The following LINGO2 variants were observed in gnomAD, a reference collection of about 807,000 sequenced individuals.
LINGO2 encodes the protein leucine-rich repeat and immunoglobulin-like domain-containing nogo receptor-interacting protein 2.
Under a neutral mutation model 30.6 loss-of-function variants are expected in LINGO2, and 14 were observed. The observed-to-expected ratio is 0.46, with a 90% CI of 0.30 to 0.72. LINGO2 has a LOEUF of 0.72. Among genes scored for constraint, LINGO2 ranks in the 30% least tolerant of loss-of-function variants. LINGO2 has a pLI of 0.07. For synonymous variants in LINGO2, 317 were observed against 288.5 expected (o/e 1.10, Z -1.00); for missense variants, 729 against 751.7 (o/e 0.97, Z 0.35).
the LINGO2 span, among the ~76,000 whole-genome samples, chr9:28,990,368 G>A: frequency 6.6e-6 from 1 of 152,186 alleles, no homozygotes; most frequent in Admixed American, 6.5e-5. Context: ...GAACTGGGTG[G>A]AGCCCACCAC....
At chr9:28,048,911 C>A (rs888502558) in intron 4 of LINGO2, among the ~76,000 whole-genome samples, 7 of 150,388 alleles carry the variant, frequency 4.7e-5, no homozygotes, top group African/African-American at 1.7e-4. Context: ...GCACATAGAA[C>A]AAATTCTATC....
chr9:28,823,934 G>T, the LINGO2 span, among the ~76,000 whole-genome samples: 1 of 151,954 alleles, frequency 6.6e-6, no homozygotes, highest in Non-Finnish European at 1.5e-5. Context: ...ATTAAACTAA[G>T]AAATTAAAAC....
At chr9:27,987,665 AG>A (rs2118989363) in intron 5 of LINGO2, among the ~76,000 whole-genome samples, 1 of 152,050 alleles carries the variant, frequency 6.6e-6, no homozygotes, top group Non-Finnish European at 1.5e-5. Context: ...TTGTCTATGT[AG>A]GTAACTCCTT....
the LINGO2 span, among the ~76,000 whole-genome samples, chr9:29,004,455 G>A: frequency 6.6e-6 from 1 of 151,814 alleles, no homozygotes; most frequent in Admixed American, 6.6e-5. Flanking sequence ...CAAGTGAAAG[G>A]AAGTACATTT....
intron 4 of LINGO2, among the ~76,000 whole-genome samples, chr9:28,026,138 A>T (rs758499438): frequency 6.6e-6 from 1 of 152,226 alleles, no homozygotes; most frequent in Non-Finnish European, 1.5e-5. Context: ...TTCATCCTAA[A>T]TAATACTTCT....
At chr9:28,308,844 C>A (rs1016415489) in intron 3 of LINGO2, among the ~76,000 whole-genome samples, 28 of 152,178 alleles carry the variant, frequency 1.8e-4, no homozygotes, top group Non-Finnish European at 3.5e-4. Context: ...CTCACCATCA[C>A]TGGCCATCAG....
chr9:28,080,700 G>C (rs193193603), intron 4 of LINGO2: 1 of 152,158 alleles, frequency 6.6e-6, no homozygotes, highest in Non-Finnish European at 1.5e-5. Flanking sequence ...CACCCTTAAA[G>C]CCTGGAACAG....
chr9:28,250,608 C>T (rs1030101544), intron 4 of LINGO2, among the ~76,000 whole-genome samples: 4 of 152,130 alleles, frequency 2.6e-5, no homozygotes, highest in Admixed American at 6.6e-5. Flanking sequence ...TCCCCATCCC[C>T]GCTCATGATG....
At chr9:28,508,206 T>C (rs1234488343) in intron 1 of LINGO2, among the ~76,000 whole-genome samples, 2 of 152,072 alleles carry the variant, frequency 1.3e-5, no homozygotes, top group African/African-American at 2.4e-5. Context: ...CTTTGTACAT[T>C]TGTTAAAATT....
chr9:29,090,444 CCT>C, the LINGO2 span, among the ~76,000 whole-genome samples: 1 of 151,944 alleles, frequency 6.6e-6, no homozygotes, highest in Admixed American at 6.6e-5. Flanking sequence ...CATGTCTGTC[CCT>C]GTCATCTCTC....
At chr9:28,169,331 T>TA (rs1237322557) in intron 4 of LINGO2, among the ~76,000 whole-genome samples, 1 of 152,104 alleles carries the variant, frequency 6.6e-6, no homozygotes, top group Non-Finnish European at 1.5e-5. Flanking sequence ...GGAAAGTAGG[T>TA]AAAAAAATTT....
At chr9:28,664,996 CATATATATATATAT>C (rs10527878) in intron 1 of LINGO2, among the ~76,000 whole-genome samples, 3,012 of 96,266 alleles carry the variant, frequency 0.031, 93 homozygotes, top group African/African-American at 0.048. Flanking sequence ...TATGTGTTTA[CATATATATATATAT>C]ATATATATAT....
At chr9:28,471,253 A>G (rs7852959) in intron 2 of LINGO2, among the ~76,000 whole-genome samples, 138,361 of 152,212 alleles carry the variant, frequency 0.91, 63,122 homozygotes, top group East Asian at 1. Flanking sequence ...CCAAGTGCAT[A>G]CTAGCAGTTT....
the LINGO2 span, among the ~76,000 whole-genome samples, chr9:29,056,857 C>T: frequency 6.6e-6 from 1 of 152,210 alleles, no homozygotes; most frequent in South Asian, 2.1e-4. Context: ...TTTTTCCTCA[C>T]TTTACATCTT....
chr9:27,989,307 AT>A (rs1821274198), intron 5 of LINGO2, among the ~76,000 whole-genome samples: 1 of 151,884 alleles, frequency 6.6e-6, no homozygotes. Flanking sequence ...TGATTTGTTC[AT>A]TTTTGATTGC....
chr9:28,327,014 G>C lies in LINGO2; in HGVS notation c.-245-31648C>G, dbSNP rs117697598. On this transcript the variant is annotated intron_variant, in intron 3 of 5. Transcript: ENST00000379992. ...TTGAAAAATTGATCTTCAATGTGGT[G>C]GCATTAAGAGGTGGCCATTTGGGAA... Among the ~76,000 whole-genome samples the C allele has an allele frequency of 5.0e-3, 766 of 152,180 alleles. 8 individuals carry two copies. The highest frequency in any genetic ancestry group is 7.8e-3 in the Non-Finnish European group (530 of 68,018).
the LINGO2 span, among the ~76,000 whole-genome samples, chr9:28,821,542 G>C: frequency 2.0e-5 from 3 of 152,186 alleles, no homozygotes; most frequent in Non-Finnish European, 4.4e-5. Context: ...TCCAGCTGTA[G>C]CTGCAACAGT....
At chr9:28,088,395 C>T (rs1186796333) in intron 4 of LINGO2, among the ~76,000 whole-genome samples, 2 of 151,966 alleles carry the variant, frequency 1.3e-5, no homozygotes, top group East Asian at 3.9e-4. Context: ...GCCTTCATTG[C>T]CAGACTACCC....
intron 4 of LINGO2, among the ~76,000 whole-genome samples, chr9:28,211,796 G>A (rs1202214843): frequency 1.3e-5 from 2 of 151,232 alleles, no homozygotes; most frequent in African/African-American, 2.4e-5. Flanking sequence ...TAATTCAGGA[G>A]AGGTTGTCTC....
Sources: gnomAD v4.1 joint callset for allele counts (sites outside exome capture counted in the v4.1 genomes callset) on GRCh38, gnomAD v4.1.1 for gene constraint, MANE v1.5 for transcripts, NCBI Gene and HGNC (gene_info 2026-07-23, HGNC 2026-07-21) for gene names.